Variants in DLGAP2 observed in about 807,000 individuals in gnomAD.
The protein encoded by DLGAP2 is disks large-associated protein 2.
Under a neutral mutation model 100.3 loss-of-function variants are expected in DLGAP2, and 26 were observed. The ratio of observed to expected loss-of-function variants is 0.26; its 90% CI spans 0.19 to 0.36. The LOEUF (loss-of-function observed/expected upper bound fraction) is 0.36. DLGAP2 is among the 10% of genes least tolerant of loss of function. The probability of loss-of-function intolerance (pLI) is 1.00; values close to 1 mark genes in which losing one functional copy is unlikely to be tolerated. For synonymous variants in DLGAP2, 886 were observed against 630.1 expected (o/e 1.41, Z -6.08); for missense variants, 1,858 against 1,453.2 (o/e 1.28, Z -4.53).
intron 2 of DLGAP2, among the ~76,000 whole-genome samples, chr8:973,396 C>T (rs1179310129): frequency 2.9e-4 from 43 of 147,658 alleles, no homozygotes; most frequent in South Asian, 8.8e-4. Context: ...ACTTCTCAGA[C>T]GGGGCGGCCG....
chr8:1,696,866 C>G (rs929880620), intron 13 of DLGAP2, among the ~76,000 whole-genome samples: 1 of 152,216 alleles, frequency 6.6e-6, no homozygotes, highest in African/African-American at 2.4e-5. Context: ...CTTTTATGAG[C>G]TGTGAAGCAT....
intron 2 of DLGAP2, among the ~76,000 whole-genome samples, chr8:1,021,679 A>G (rs572428140): frequency 6.6e-6 from 1 of 152,284 alleles, no homozygotes; most frequent in East Asian, 1.9e-4. Flanking sequence ...ACTTCAGCTC[A>G]CATAATTTTA....
intron 4 of DLGAP2, among the ~76,000 whole-genome samples, chr8:1,517,097 G>A (rs1474513145): frequency 2.0e-5 from 3 of 152,102 alleles, no homozygotes; most frequent in African/African-American, 4.8e-5. Context: ...CAGCCTCAAG[G>A]TCCAAGTCTT....
At chr8:947,340 G>A (rs973275938) in intron 2 of DLGAP2, among the ~76,000 whole-genome samples, 2 of 152,216 alleles carry the variant, frequency 1.3e-5, no homozygotes, top group African/African-American at 4.8e-5. Context: ...GGCAGCAGAG[G>A]GGTCCTGTCA....
At chr8:1,529,538 A>T (rs1800914860) in intron 4 of DLGAP2, among the ~76,000 whole-genome samples, 2 of 152,200 alleles carry the variant, frequency 1.3e-5, no homozygotes. Flanking sequence ...TATAGAAAGC[A>T]CCAAAAATAT....
intron 3 of DLGAP2, among the ~76,000 whole-genome samples, chr8:1,454,695 G>C (rs1224180469): frequency 6.6e-6 from 1 of 152,184 alleles, no homozygotes. Context: ...CTCTAAGGGA[G>C]TTCAGCTTGA....
intron 1 of DLGAP2, among the ~76,000 whole-genome samples, chr8:890,534 C>T (rs1798013842): frequency 6.6e-6 from 1 of 152,038 alleles, no homozygotes; most frequent in Admixed American, 6.5e-5. Flanking sequence ...CCCTTCTCTT[C>T]TGGGTCTCGA....
At chr8:1,666,441 G>C (rs1798545766) in intron 8 of DLGAP2, among the ~76,000 whole-genome samples, 1 of 152,186 alleles carries the variant, frequency 6.6e-6, no homozygotes, top group South Asian at 2.1e-4. Context: ...GGGAGACCGA[G>C]GTGGGTGGAT....
chr8:988,263 A>T (rs956940366), intron 2 of DLGAP2, among the ~76,000 whole-genome samples: 12 of 152,250 alleles, frequency 7.9e-5, no homozygotes, highest in African/African-American at 2.9e-4. Flanking sequence ...ACAGAATTTT[A>T]TAAGTGTGCA....
intron 6 of DLGAP2, among the ~76,000 whole-genome samples, chr8:1,588,345 C>T (rs1194700503): frequency 6.6e-6 from 1 of 152,052 alleles, no homozygotes; most frequent in East Asian, 1.9e-4. Context: ...TCTGAGGACA[C>T]AGTTAAGTGG....
At chr8:1,033,650 G>C (rs1343437793) in intron 2 of DLGAP2, among the ~76,000 whole-genome samples, 1 of 152,212 alleles carries the variant, frequency 6.6e-6, no homozygotes, top group Admixed American at 6.5e-5. Context: ...CTGGGTGACA[G>C]AGGGAGACCG....
At chr8:1,174,229 C>T (rs1443979547) in intron 2 of DLGAP2, among the ~76,000 whole-genome samples, 1 of 152,240 alleles carries the variant, frequency 6.6e-6, no homozygotes, top group South Asian at 2.1e-4. Context: ...TGCTATTCTG[C>T]AGGGAATGTG....
chr8:856,902 G>C (rs1797289372), intron 1 of DLGAP2, among the ~76,000 whole-genome samples: 1 of 152,232 alleles, frequency 6.6e-6, no homozygotes, highest in African/African-American at 2.4e-5. Flanking sequence ...AGAGGCAGAA[G>C]ACCCAGACAA....
intron 6 of DLGAP2, among the ~76,000 whole-genome samples, chr8:1,580,976 C>G (rs1229874123): frequency 6.6e-6 from 1 of 150,412 alleles, no homozygotes; most frequent in African/African-American, 2.5e-5. Flanking sequence ...ACACCACAAA[C>G]TACCAGAAGT....
chr8:1,313,395 G>A (rs1800656899), intron 3 of DLGAP2, among the ~76,000 whole-genome samples: 1 of 152,184 alleles, frequency 6.6e-6, no homozygotes, highest in Non-Finnish European at 1.5e-5. Context: ...AGTCTTCAGA[G>A]AACCCTCCGG....
At chr8:1,669,849 A>T (rs1798646257) in intron 10 of DLGAP2, 65 bp downstream of exon 10, 1 of 780,172 alleles carries the variant, frequency 1.3e-6, no homozygotes, top group Non-Finnish European at 2.4e-6. Flanking sequence ...CCTTTTTTGG[A>T]TGTTCATGCG....
chr8:1,636,194 G>A lies in DLGAP2; in HGVS notation c.1810+3148G>A, dbSNP rs974848721. 3.9e-5 allele frequency among the ~76,000 whole-genome samples: 6 copies of A among 152,204 alleles called. No homozygotes were observed. In the South Asian group the frequency reaches 8.3e-4, roughly 21 times the overall value. On this transcript the variant is annotated intron_variant, in intron 8 of 14. Transcript: ENST00000637795. ...TATGCATCTCACCCGATTTTTCTAG[G>A]GAGGGAATATTATTGATATTGTGAA... is the stretch of plus-strand genomic sequence containing the variant.
At chr8:1,379,241 C>T (rs971413163) in intron 3 of DLGAP2, among the ~76,000 whole-genome samples, 1 of 152,274 alleles carries the variant, frequency 6.6e-6, no homozygotes. Context: ...CACGTCCATG[C>T]AGTGCCGGCT....
At chr8:1,309,210 A>G (rs1800558560) in intron 3 of DLGAP2, among the ~76,000 whole-genome samples, 3 of 152,232 alleles carry the variant, frequency 2.0e-5, no homozygotes. Flanking sequence ...AGCCAAAAAC[A>G]TCCAAAATTT....
Sources: allele counts gnomAD v4.1 joint callset (sites outside exome capture counted in the v4.1 genomes callset), GRCh38; gene constraint gnomAD v4.1.1; transcripts MANE v1.5; gene names NCBI Gene and HGNC (gene_info 2026-07-23, HGNC 2026-07-21).